Variants in CNTN6 observed in about 807,000 individuals in gnomAD.
CNTN6 encodes the protein contactin 6.
A neutral mutation model predicts 122.8 loss-of-function variants in CNTN6; 137 were observed. The ratio of observed to expected loss-of-function variants is 1.12; its 90% CI spans 0.97 to 1.29. The LOEUF (loss-of-function observed/expected upper bound fraction) is 1.29, where lower values mean the gene tolerates loss of function less well. Among genes scored for constraint, CNTN6 ranks in the 50% most tolerant of loss-of-function variants. The pLI is 0.00. For missense variants in CNTN6, 1,634 were observed against 1,223.4 expected (o/e 1.34, Z -5.01); for synonymous variants, 570 against 426.0 (o/e 1.34, Z -4.16).
chr3:1,093,732 C>T (rs191830596), intron 1 of CNTN6, among the ~76,000 whole-genome samples: 5 of 152,196 alleles, frequency 3.3e-5, no homozygotes, highest in Admixed American at 2.6e-4. Context: ...GTTTCCTTTA[C>T]CATTTACACC....
At chr3:1,189,166 A>G (rs2093667136) in intron 2 of CNTN6, among the ~76,000 whole-genome samples, 1 of 152,186 alleles carries the variant, frequency 6.6e-6, no homozygotes, top group African/African-American at 2.4e-5. Flanking sequence ...TCCGCCTTAC[A>G]ATTTCAGAAC....
chr3:1,128,611 T>C (rs1042513005), intron 1 of CNTN6, among the ~76,000 whole-genome samples: 1 of 151,986 alleles, frequency 6.6e-6, no homozygotes, highest in Non-Finnish European at 1.5e-5. Context: ...GATGGGATCA[T>C]TGAGTTTAGA....
At chr3:1,131,294 G>T (rs1223402431) in intron 1 of CNTN6, among the ~76,000 whole-genome samples, 3 of 152,044 alleles carry the variant, frequency 2.0e-5, no homozygotes, top group African/African-American at 7.2e-5. Flanking sequence ...CTTATACTCA[G>T]TTCTGGCCTG....
At chr3:1,300,580 AG>A (rs1261244781) in intron 7 of CNTN6, among the ~76,000 whole-genome samples, 1 of 40,232 alleles carries the variant, frequency 2.5e-5, no homozygotes, top group Non-Finnish European at 6.3e-5. Context: ...AAAGAAAGAA[AG>A]AAAGAAAGAA....
intron 1 of CNTN6, among the ~76,000 whole-genome samples, chr3:1,100,576 A>C (rs1198297891): frequency 2.0e-5 from 3 of 152,056 alleles, no homozygotes; most frequent in African/African-American, 7.2e-5. Context: ...TATATATTTC[A>C]ATCTTGCGTC....
chr3:1,332,495 A>AAAAGGAAGG (rs376354688), intron 11 of CNTN6, among the ~76,000 whole-genome samples: 11 of 118,552 alleles, frequency 9.3e-5, no homozygotes, highest in African/African-American at 3.1e-4. Context: ...AGGAAGGAAA[A>AAAAGGAAGG]AAGGAAGGAA....
At chr3:1,207,337 A>T (rs2093971638) in intron 2 of CNTN6, among the ~76,000 whole-genome samples, 2 of 152,148 alleles carry the variant, frequency 1.3e-5, no homozygotes, top group South Asian at 4.1e-4. Context: ...ACAAAAAAAG[A>T]TCTAGAATCC....
intron 19 of CNTN6, among the ~76,000 whole-genome samples, chr3:1,384,723 A>T (rs1575995795): frequency 7.3e-6 from 1 of 136,868 alleles, no homozygotes; most frequent in East Asian, 2.0e-4. Flanking sequence ...CATACTATAT[A>T]TACACACATA....
At chr3:1,323,116 A>G (rs897388908) in intron 8 of CNTN6, among the ~76,000 whole-genome samples, 3 of 151,832 alleles carry the variant, frequency 2.0e-5, no homozygotes. Flanking sequence ...CTTTCTGTAT[A>G]CTGATAAAGC....
chr3:1,289,963 T>TCC, intron 5 of CNTN6, among the ~76,000 whole-genome samples: 1 of 151,926 alleles, frequency 6.6e-6, no homozygotes, highest in Non-Finnish European at 1.5e-5. Context: ...CGTGAGCCAA[T>TCC]GCGCCCGGCG....
chr3:1,162,306 T>C (rs59384115), intron 2 of CNTN6, among the ~76,000 whole-genome samples: 26,194 of 152,110 alleles, frequency 0.17, 2,721 homozygotes, highest in African/African-American at 0.28. Flanking sequence ...TGTTTTGTTT[T>C]GTTTTACCTG....
intron 20 of CNTN6, among the ~76,000 whole-genome samples, chr3:1,397,838 C>A (rs1266775063): frequency 6.6e-6 from 1 of 152,078 alleles, no homozygotes. Context: ...CACTTATGTT[C>A]TTTCTCTTCT....
chr3:1,232,208 A>G (rs71309807), intron 4 of CNTN6, among the ~76,000 whole-genome samples: 17,076 of 152,216 alleles, frequency 0.11, 1,080 homozygotes, highest in African/African-American at 0.14. Flanking sequence ...GGGCTTTTTG[A>G]TCCTACATTA....
intron 4 of CNTN6, among the ~76,000 whole-genome samples, chr3:1,234,008 G>T (rs546436572): frequency 1.3e-5 from 2 of 152,132 alleles, no homozygotes; most frequent in African/African-American, 4.8e-5. Context: ...AATCATCATA[G>T]TTTTTTCCAG....
chr3:1,339,439 A>G (rs1445085826), intron 11 of CNTN6, among the ~76,000 whole-genome samples: 1 of 152,128 alleles, frequency 6.6e-6, no homozygotes, highest in Non-Finnish European at 1.5e-5. Context: ...TTATAACTTG[A>G]ATGAGCTCAG....
chr3:1,133,319 G>T (rs2092387979), intron 1 of CNTN6, among the ~76,000 whole-genome samples: 1 of 152,108 alleles, frequency 6.6e-6, no homozygotes, highest in Non-Finnish European at 1.5e-5. Context: ...CAATTTGGTT[G>T]TTTTGTACTT....
chr3:1,148,735 G>A (rs1277622728), intron 2 of CNTN6, among the ~76,000 whole-genome samples: 1 of 152,088 alleles, frequency 6.6e-6, no homozygotes, highest in Non-Finnish European at 1.5e-5. Flanking sequence ...ACAAATCTGT[G>A]GGTTAACAAC....
At chr3:1,222,396 A>C (rs1352206250) in intron 3 of CNTN6, among the ~76,000 whole-genome samples, 1 of 152,228 alleles carries the variant, frequency 6.6e-6, no homozygotes, top group Non-Finnish European at 1.5e-5. Flanking sequence ...CCTAGGGGTT[A>C]GTAGAGAAAG....
At chr3:1,333,078 G>A (rs956415837) in intron 11 of CNTN6, among the ~76,000 whole-genome samples, 1 of 152,060 alleles carries the variant, frequency 6.6e-6, no homozygotes, top group African/African-American at 2.4e-5. Context: ...GTATGTATGT[G>A]TGTATTTGTG....
Sources: allele counts gnomAD v4.1 joint callset (sites outside exome capture counted in the v4.1 genomes callset), GRCh38; gene constraint gnomAD v4.1.1; transcripts MANE v1.5; gene names NCBI Gene and HGNC (gene_info 2026-07-23, HGNC 2026-07-21).